The following GRIA1 variants were observed in gnomAD, a reference collection of about 807,000 sequenced individuals.
GRIA1 encodes glutamate ionotropic receptor AMPA type subunit 1, also known as glutamate receptor 1.
GRIA1 carries 31 observed loss-of-function variants against 99.2 expected under a neutral mutation model. That is an observed-to-expected ratio of 0.31 (90% CI 0.23 to 0.42). The LOEUF is 0.42. Ranked by LOEUF, GRIA1 falls within the 10% of genes least tolerant of loss-of-function variation. GRIA1 has a pLI of 1.00. For synonymous variants in GRIA1, 438 were observed against 432.4 expected (o/e 1.01, Z -0.16); for missense variants, 782 against 1,157.5 (o/e 0.68, Z 4.71).
Position 153,600,416 on chromosome 5 carries a change from A to AAT in GRIA1, c.221-46512_221-46511insAT, listed in dbSNP as rs10677490. ...CAAAAAAAAAAAAAAAAAAAAAAAA[A>AAT]GTATGGAGTTTGTAAGGATAGGTTT... On this transcript the variant is annotated intron_variant, in intron 2 of 15. Transcript: ENST00000285900. Among the ~76,000 whole-genome samples, 10 of 82,880 alleles carry AAT rather than the reference A, an allele frequency of 1.2e-4. No homozygotes were observed. In the East Asian group the frequency reaches 2.6e-3, roughly 22 times the overall value. 54.4% of individuals were successfully genotyped at this position (82,880 alleles called of 152,430 possible). A position where few individuals can be genotyped will look rare whatever the true frequency, so the allele number is the denominator to read the frequency against.
intron 2 of GRIA1, among the ~76,000 whole-genome samples, chr5:153,520,909 G>A (rs1436595037): frequency 6.6e-6 from 1 of 152,182 alleles, no homozygotes; most frequent in African/African-American, 2.4e-5. Flanking sequence ...AGCAGGTAAT[G>A]TTTTAGGCCC....
At chr5:153,784,029 G>T (rs1172260273) in intron 13 of GRIA1, among the ~76,000 whole-genome samples, 1 of 152,158 alleles carries the variant, frequency 6.6e-6, no homozygotes, top group East Asian at 1.9e-4. Flanking sequence ...GTCCAATCCA[G>T]CTACCTGAAT....
chr5:153,694,255 T>A (rs1048783436), intron 8 of GRIA1, among the ~76,000 whole-genome samples: 3 of 152,034 alleles, frequency 2.0e-5, no homozygotes, highest in African/African-American at 7.2e-5. Context: ...TTACACAGAT[T>A]CATCTTGCTT....
chr5:153,581,611 T>C (rs1039836738), intron 2 of GRIA1, among the ~76,000 whole-genome samples: 13 of 152,144 alleles, frequency 8.5e-5, no homozygotes, highest in African/African-American at 3.1e-4. Flanking sequence ...CTTCAGTCAG[T>C]ACTTCGCTGA....
At chr5:153,577,576 G>T (rs1762675912) in intron 2 of GRIA1, among the ~76,000 whole-genome samples, 1 of 152,190 alleles carries the variant, frequency 6.6e-6, no homozygotes, top group Admixed American at 6.5e-5. Flanking sequence ...GGATTTGAGA[G>T]GGATCAATGC....
chr5:153,664,555 C>T lies in GRIA1; in HGVS notation c.699+8683C>T, dbSNP rs143302198. On this transcript the variant is annotated intron_variant, in intron 5 of 15. Coordinates refer to ENST00000285900, the MANE Select transcript of GRIA1 (RefSeq NM_000827.4). ...TTCATGCTTTTGCTGCAAGACCTTC[C>T]CTGAGCTCCAAGATCAAGTTTGGGT... Among the ~76,000 whole-genome samples the T allele has an allele frequency of 6.7e-3, 1,016 of 152,110 alleles. 14 individuals carry two copies. Among genetic ancestry groups the T allele is most frequent in the Non-Finnish European group, 0.012 (806 of 68,002 alleles).
intron 2 of GRIA1, among the ~76,000 whole-genome samples, chr5:153,575,583 C>A (rs917818659): frequency 2.0e-5 from 3 of 152,060 alleles, no homozygotes; most frequent in Admixed American, 6.5e-5. Flanking sequence ...GAGATTGAAA[C>A]CTAAAGAGGG....
intron 2 of GRIA1, among the ~76,000 whole-genome samples, chr5:153,613,790 G>T (rs576769595): frequency 6.6e-6 from 1 of 151,764 alleles, no homozygotes; most frequent in Non-Finnish European, 1.5e-5. Context: ...TACATAATCC[G>T]TTCACTTTAG....
intron 2 of GRIA1, among the ~76,000 whole-genome samples, chr5:153,621,583 C>T (rs1044163230): frequency 6.6e-6 from 1 of 152,166 alleles, no homozygotes; most frequent in East Asian, 1.9e-4. Flanking sequence ...TCCTACTTTA[C>T]TCTGCTGTGA....
In GRIA1 at chr5:153,698,855, T is replaced by C. The variant is rs376660485; in HGVS notation, c.1246-12T>C. The C allele has an allele frequency of 1.9e-6, 3 of 1,587,682 alleles. No individual in the cohort carries two copies. Among genetic ancestry groups the C allele is most frequent in the African/African-American group, 1.3e-5 (1 of 74,410 alleles). On this transcript the variant is annotated splice_polypyrimidine_tract_variant and intron_variant, in intron 9 of 15. Transcript: ENST00000285900. Reference sequence around the variant, plus strand: ...TAACCCACATTCTGCTATCTCCCCATTTCTCTTCCAGGAAGATCCTTATGT... The same window carrying C: ...TAACCCACATTCTGCTATCTCCCCACTTCTCTTCCAGGAAGATCCTTATGT...
At chr5:153,736,514 G>A (rs1400428651) in intron 11 of GRIA1, among the ~76,000 whole-genome samples, 3 of 152,192 alleles carry the variant, frequency 2.0e-5, no homozygotes, top group Admixed American at 6.5e-5. Flanking sequence ...GTGATTCATA[G>A]TTCCTGTTTA....
intron 15 of GRIA1, among the ~76,000 whole-genome samples, chr5:153,809,829 G>T (rs1766692107): frequency 6.6e-6 from 1 of 152,196 alleles, no homozygotes; most frequent in Non-Finnish European, 1.5e-5. Flanking sequence ...AGAGGAGCCA[G>T]CACTTACAGC....
At chr5:153,546,166 T>G (rs757786828) in intron 2 of GRIA1, among the ~76,000 whole-genome samples, 40 of 152,216 alleles carry the variant, frequency 2.6e-4, no homozygotes, top group Non-Finnish European at 4.1e-4. Context: ...GATTGACCTA[T>G]GTTGAAAGGA....
At chr5:153,801,084 C>T (rs142245637) in intron 14 of GRIA1, among the ~76,000 whole-genome samples, 9 of 152,264 alleles carry the variant, frequency 5.9e-5, no homozygotes, top group African/African-American at 1.2e-4. Context: ...TGAGTATTCT[C>T]CTAGTAGTTA....
chr5:153,636,296 C>T (rs1285891471), intron 2 of GRIA1, among the ~76,000 whole-genome samples: 2 of 152,146 alleles, frequency 1.3e-5, no homozygotes, highest in Admixed American at 6.5e-5. Flanking sequence ...TTGTATAATG[C>T]ACTCTAAGTT....
chr5:153,508,174 A>G lies in GRIA1; in HGVS notation c.220+14109A>G, dbSNP rs527383440. Among the ~76,000 whole-genome samples the G allele has an allele frequency of 4.9e-4, 75 of 152,326 alleles. 1 individual carries two copies. The highest frequency in any genetic ancestry group is 1.2e-3 in the Admixed American group (19 of 15,282). On this transcript the variant is annotated intron_variant, in intron 2 of 15. Coordinates refer to ENST00000285900, the MANE Select transcript of GRIA1 (RefSeq NM_000827.4). ...TACATTAGATGGGTGGTCAGGGAGG[A>G]CAGGCATCACCTGAAGAGATGATAT...
chr5:153,513,218 A>T (rs183749544), intron 2 of GRIA1, among the ~76,000 whole-genome samples: 1 of 152,314 alleles, frequency 6.6e-6, no homozygotes, highest in East Asian at 1.9e-4. Context: ...CAGAAGCTTA[A>T]GCAGAAGGGC....
intron 2 of GRIA1, among the ~76,000 whole-genome samples, chr5:153,607,042 G>GATATATATATATATATATATAT (rs59233877): frequency 4.7e-4 from 60 of 127,762 alleles, no homozygotes; most frequent in African/African-American, 1.3e-3. Flanking sequence ...TATCACAAAA[G>GATATATATATATATATATATAT]ATATATATAT....
At chr5:153,619,759 G>A (rs1487270269) in intron 2 of GRIA1, among the ~76,000 whole-genome samples, 1 of 152,172 alleles carries the variant, frequency 6.6e-6, no homozygotes, top group East Asian at 1.9e-4. Flanking sequence ...TACTACAACC[G>A]TTTGGCCTTT....
Sources: allele counts gnomAD v4.1 joint callset (sites outside exome capture counted in the v4.1 genomes callset), GRCh38; gene constraint gnomAD v4.1.1; transcripts MANE v1.5; gene names NCBI Gene and HGNC (gene_info 2026-07-23, HGNC 2026-07-21).